Variants in PDE4D observed in about 807,000 individuals in gnomAD.
PDE4D encodes the protein 3',5'-cyclic-AMP phosphodiesterase 4D.
In PDE4D, 24 loss-of-function variants were observed where a neutral mutation model predicts 87.4. That is an observed-to-expected ratio of 0.27 (90% CI 0.20 to 0.39). PDE4D has a LOEUF of 0.39. PDE4D is among the 10% of genes least tolerant of loss of function. The pLI, the probability that PDE4D is intolerant of heterozygous loss-of-function variation, is 1.00. For missense variants in PDE4D, 714 were observed against 1,041.0 expected, an observed-to-expected ratio of 0.69 and a Z score of 4.32; for synonymous variants, 384 against 383.2, an observed-to-expected ratio of 1.00 and a Z score of -0.02.
chr5:59,739,980 T>G (rs563323313), intron 1 of PDE4D, among the ~76,000 whole-genome samples: 1 of 152,338 alleles, frequency 6.6e-6, no homozygotes, highest in African/African-American at 2.4e-5. Context: ...GTTGAAGGTT[T>G]GAATCCTAAT....
chr5:59,253,511 C>T (rs1377686485), intron 1 of PDE4D, among the ~76,000 whole-genome samples: 1 of 152,062 alleles, frequency 6.6e-6, no homozygotes, highest in Non-Finnish European at 1.5e-5. Flanking sequence ...CAGCGTACTC[C>T]TCATTATCAC....
In PDE4D at chr5:60,398,236, A is replaced by G. The variant is rs1442299719; in HGVS notation, c.-90+89706T>C. On this transcript the variant is annotated intron_variant, in intron 1 of 16. Transcript: ENST00000502484. Reference sequence around the variant, plus strand: ...CCTCACCATTATTGAAGAAGGCCATAGCTGTATTAGCTTCTTCCATCCACC... The same window carrying G: ...CCTCACCATTATTGAAGAAGGCCATGGCTGTATTAGCTTCTTCCATCCACC... 2.6e-5 allele frequency among the ~76,000 whole-genome samples: 4 copies of G among 152,226 alleles called. 1 individual carries two copies. Among genetic ancestry groups the G allele is most frequent in the Non-Finnish European group, 5.9e-5 (4 of 68,038 alleles).
chr5:60,131,141 CTAAATA>C (rs774682965), intron 2 of PDE4D, among the ~76,000 whole-genome samples: 81 of 152,224 alleles, frequency 5.3e-4, no homozygotes, highest in South Asian at 2.9e-3. Flanking sequence ...AGAGATTTTC[CTAAATA>C]TATTTTATCT....
chr5:59,169,872 C>A (rs893644422), intron 5 of PDE4D, among the ~76,000 whole-genome samples: 7 of 152,136 alleles, frequency 4.6e-5, no homozygotes, highest in Non-Finnish European at 1.0e-4. Flanking sequence ...TCTGGAAAGT[C>A]TGGGAATCAG....
chr5:59,243,123 T>C (rs1222912197), intron 1 of PDE4D, among the ~76,000 whole-genome samples: 1 of 152,098 alleles, frequency 6.6e-6, no homozygotes, highest in Non-Finnish European at 1.5e-5. Flanking sequence ...ATGATTCTCG[T>C]TTTTACTATA....
At chr5:59,711,035 A>G (rs1335838612) in intron 1 of PDE4D, among the ~76,000 whole-genome samples, 1 of 152,174 alleles carries the variant, frequency 6.6e-6, no homozygotes, top group Non-Finnish European at 1.5e-5. Context: ...CAATTTGACA[A>G]TCACCTCTTA....
chr5:59,598,765 G>A (rs553143534), intron 1 of PDE4D, among the ~76,000 whole-genome samples: 1 of 151,306 alleles, frequency 6.6e-6, no homozygotes, highest in East Asian at 1.9e-4. Context: ...AGTGGACTAG[G>A]ACAGAAGGAC....
At chr5:60,105,726 G>T (rs1025977382) in intron 2 of PDE4D, among the ~76,000 whole-genome samples, 2 of 152,112 alleles carry the variant, frequency 1.3e-5, no homozygotes, top group Non-Finnish European at 2.9e-5. Flanking sequence ...TTAAAGAAAA[G>T]AATTTTCAAC....
chr5:60,281,577 G>T (rs1372267400), intron 1 of PDE4D, among the ~76,000 whole-genome samples: 2 of 151,948 alleles, frequency 1.3e-5, no homozygotes, highest in Non-Finnish European at 2.9e-5. Flanking sequence ...TTTATGAAAG[G>T]AACAAGAATT....
intron 1 of PDE4D, among the ~76,000 whole-genome samples, chr5:59,225,338 T>A (rs1190591711): frequency 6.6e-6 from 1 of 152,214 alleles, no homozygotes; most frequent in Non-Finnish European, 1.5e-5. Flanking sequence ...ATTTCTTGGC[T>A]CTATTCTGTT....
intron 1 of PDE4D, among the ~76,000 whole-genome samples, chr5:59,589,752 GC>G (rs1242060839): frequency 6.6e-6 from 1 of 152,064 alleles, no homozygotes; most frequent in Non-Finnish European, 1.5e-5. Context: ...ATTTCCATTT[GC>G]GGGCAATGAT....
chr5:60,446,998 T>G (rs1745695011), intron 1 of PDE4D, among the ~76,000 whole-genome samples: 1 of 152,040 alleles, frequency 6.6e-6, no homozygotes, highest in African/African-American at 2.4e-5. Flanking sequence ...TGATAAAGAT[T>G]GAAACAAGAA....
At chr5:59,913,099 G>A (rs1339524595) in intron 3 of PDE4D, among the ~76,000 whole-genome samples, 2 of 152,044 alleles carry the variant, frequency 1.3e-5, no homozygotes, top group Non-Finnish European at 2.9e-5. Context: ...CAGATGGTAA[G>A]CCATTACAGG....
chr5:59,857,085 TAGATTCATGAAATGCCCCGCA>T (rs1378221993), intron 1 of PDE4D, among the ~76,000 whole-genome samples: 2 of 152,170 alleles, frequency 1.3e-5, no homozygotes, highest in African/African-American at 2.4e-5. Flanking sequence ...TTCCCGAATT[TAGATTCATGAAATGCCCCGCA>T]AGTGTGCAAA....
chr5:59,603,110 A>G (rs1394473751), intron 1 of PDE4D, among the ~76,000 whole-genome samples: 1 of 151,958 alleles, frequency 6.6e-6, no homozygotes, highest in East Asian at 1.9e-4. Flanking sequence ...TGATTTTTTG[A>G]ACATGACTCC....
At chr5:59,601,972 A>C (rs1827572301) in intron 1 of PDE4D, among the ~76,000 whole-genome samples, 1 of 152,134 alleles carries the variant, frequency 6.6e-6, no homozygotes, top group African/African-American at 2.4e-5. Flanking sequence ...CACTACAAAA[A>C]AAGAAAACTA....
intron 1 of PDE4D, among the ~76,000 whole-genome samples, chr5:59,403,758 T>C (rs1223791483): frequency 6.6e-6 from 1 of 152,210 alleles, no homozygotes; most frequent in Non-Finnish European, 1.5e-5. Flanking sequence ...TGAATAGTGC[T>C]ACAATAAATA....
chr5:59,169,034 A>G (rs1782337703), intron 5 of PDE4D, among the ~76,000 whole-genome samples: 2 of 152,160 alleles, frequency 1.3e-5, no homozygotes, highest in African/African-American at 2.4e-5. Flanking sequence ...AGTATTAATA[A>G]TATATCCAAC....
At chr5:59,572,312 T>A (rs766647861) in intron 1 of PDE4D, among the ~76,000 whole-genome samples, 1 of 152,216 alleles carries the variant, frequency 6.6e-6, no homozygotes, top group Non-Finnish European at 1.5e-5. Flanking sequence ...GCTGTGCTTT[T>A]AACTTCAAAA....
Sources: gnomAD v4.1 joint callset for allele counts (sites outside exome capture counted in the v4.1 genomes callset) on GRCh38, gnomAD v4.1.1 for gene constraint, MANE v1.5 for transcripts, NCBI Gene and HGNC (gene_info 2026-07-23, HGNC 2026-07-21) for gene names.